Variants in PTPRZ1 observed in about 807,000 individuals in gnomAD.
The protein encoded by PTPRZ1 is receptor-type tyrosine-protein phosphatase zeta.
A neutral mutation model predicts 214.1 loss-of-function variants in PTPRZ1; 82 were observed. The ratio of observed to expected loss-of-function variants is 0.38; its 90% CI spans 0.32 to 0.46. The LOEUF (loss-of-function observed/expected upper bound fraction) is 0.46, where lower values mean the gene tolerates loss of function less well. Ranked by LOEUF, PTPRZ1 falls within the 20% of genes least tolerant of loss-of-function variation. The pLI is 1.00. For synonymous variants in PTPRZ1, 945 were observed against 987.9 expected, an observed-to-expected ratio of 0.96 and a Z score of 0.81; for missense variants, 2,603 against 2,748.7, an observed-to-expected ratio of 0.95 and a Z score of 1.19.
In PTPRZ1 at chr7:121,910,055, T is replaced by C. The variant is rs192327276; in HGVS notation, c.59-18101T>C. 6.4e-4 allele frequency among the ~76,000 whole-genome samples: 97 copies of C among 152,336 alleles called. No homozygotes were observed. In the East Asian group the frequency reaches 0.019, roughly 29 times the overall value. On this transcript the variant is annotated intron_variant, in intron 1 of 29. Transcript: ENST00000393386. Reference sequence around the variant, plus strand: ...AAGAATGGAAGAGGCTGTCTTCATCTTTTGAAGCTCATTTCCTGGTAATCT... The same window carrying C: ...AAGAATGGAAGAGGCTGTCTTCATCCTTTGAAGCTCATTTCCTGGTAATCT...
intron 1 of PTPRZ1, among the ~76,000 whole-genome samples, chr7:121,926,104 A>G (rs1412498357): frequency 6.6e-6 from 1 of 152,176 alleles, no homozygotes; most frequent in Admixed American, 6.5e-5. Context: ...GGAGTTCGAG[A>G]CCAGCCTGAC....
At chr7:121,892,110 T>A (rs1018515412) in intron 1 of PTPRZ1, among the ~76,000 whole-genome samples, 1 of 152,208 alleles carries the variant, frequency 6.6e-6, no homozygotes, top group African/African-American at 2.4e-5. Flanking sequence ...AGTTTGTTGC[T>A]TTATACCATA....
chr7:122,038,592 A>G (rs1338555976), intron 18 of PTPRZ1, among the ~76,000 whole-genome samples, 163 bp from the exon 19 acceptor site: 2 of 147,726 alleles, frequency 1.4e-5, no homozygotes, highest in Admixed American at 1.4e-4. Context: ...AACCAAGAGT[A>G]GCTATCTTAG....
intron 1 of PTPRZ1, among the ~76,000 whole-genome samples, chr7:121,885,391 G>A (rs1794367228): frequency 6.6e-6 from 1 of 152,146 alleles, no homozygotes; most frequent in Non-Finnish European, 1.5e-5. Flanking sequence ...AGATGGCAAT[G>A]CTGTCTGAAA....
At chr7:121,879,446 T>C (rs1052320133) in intron 1 of PTPRZ1, among the ~76,000 whole-genome samples, 3 of 152,202 alleles carry the variant, frequency 2.0e-5, no homozygotes, top group African/African-American at 7.2e-5. Context: ...GCTATCATAT[T>C]GGTTTAAGTC....
chr7:121,952,807 A>T (rs1259579476), intron 2 of PTPRZ1, among the ~76,000 whole-genome samples: 1 of 152,206 alleles, frequency 6.6e-6, no homozygotes, highest in South Asian at 2.1e-4. Context: ...CAATGAGTCT[A>T]TTTGCAATGT....
intron 2 of PTPRZ1, among the ~76,000 whole-genome samples, chr7:121,938,705 C>G (rs557053454): frequency 2.6e-5 from 4 of 151,162 alleles, no homozygotes; most frequent in Admixed American, 6.6e-5. Context: ...GTATTTACAA[C>G]GATCTCTTTT....
chr7:122,013,537 T>C lies in PTPRZ1; in HGVS notation c.4491T>C (p.Gly1497=), dbSNP rs772950386. 6.2e-7 allele frequency: 1 copy of C among 1,614,182 alleles called. No homozygotes were observed. Among genetic ancestry groups the C allele is most frequent in the Non-Finnish European group, 8.5e-7 (1 of 1,180,018 alleles). ...GTGTATCCTCAGACAGTCAAACTGG[T>C]ATGGACAGAAGTCCTGGTAAATCAC... ...VTSVSSDSQT[G]MDRSPGKSPS... The change falls in exon 12 of 30, where the codon GGT becomes GGC. Residue 1497 remains glycine, a synonymous_variant. Transcript: ENST00000393386.
At chr7:122,053,011 A>T in intron 25 of PTPRZ1, among the ~76,000 whole-genome samples, 1 of 152,290 alleles carries the variant, frequency 6.6e-6, no homozygotes, top group Middle Eastern at 3.4e-3. Flanking sequence ...ATTCACCTGC[A>T]TGGGTTCCAT....
At chr7:121,950,941 G>A (rs1027203202) in intron 2 of PTPRZ1, among the ~76,000 whole-genome samples, 1 of 152,180 alleles carries the variant, frequency 6.6e-6, no homozygotes, top group Admixed American at 6.5e-5. Flanking sequence ...ACCCATCAAA[G>A]TTATAGATAT....
chr7:122,013,252 G>C lies in PTPRZ1; in HGVS notation c.4206G>C (p.Leu1402=). 1.2e-6 allele frequency: 2 copies of C among 1,614,168 alleles called. No individual in the cohort carries two copies. The highest frequency in any genetic ancestry group is 4.5e-5 in the East Asian group (2 of 44,882). Residue 1402 remains leucine (L), a synonymous_variant, in exon 12 of 30, where the codon CTG becomes CTC. Transcript: ENST00000393386. ...LLFPSKATSE[L]SHSAKSDAGL... is the part of the protein sequence containing the mutation. ...TTCCTTCTAAGGCAACTTCTGAGCT[G>C]AGTCATAGTGCCAAATCTGATGCCG...
At chr7:121,926,431 G>C (rs1237969668) in intron 1 of PTPRZ1, among the ~76,000 whole-genome samples, 2 of 152,118 alleles carry the variant, frequency 1.3e-5, no homozygotes, top group Non-Finnish European at 2.9e-5. Context: ...CTTTCAGGCT[G>C]TCCTGGTCAC....
chr7:121,987,035 A>T (rs986289560), intron 8 of PTPRZ1, among the ~76,000 whole-genome samples: 2 of 152,204 alleles, frequency 1.3e-5, no homozygotes, highest in African/African-American at 4.8e-5. Flanking sequence ...TATTGCTTAT[A>T]TAGTGTTATC....
intron 1 of PTPRZ1, among the ~76,000 whole-genome samples, chr7:121,921,848 G>A (rs1426508158): frequency 6.6e-6 from 1 of 152,144 alleles, no homozygotes; most frequent in African/African-American, 2.4e-5. Context: ...AACAGTAAGT[G>A]CAATGTTTGA....
At chr7:121,942,459 CAG>C (rs1796261651) in intron 2 of PTPRZ1, among the ~76,000 whole-genome samples, 1 of 152,168 alleles carries the variant, frequency 6.6e-6, no homozygotes, top group Non-Finnish European at 1.5e-5. Flanking sequence ...TATGAGGTTT[CAG>C]AGTATATTTG....
chr7:121,999,926 AC>A (rs1798269209), intron 10 of PTPRZ1, among the ~76,000 whole-genome samples: 1 of 152,148 alleles, frequency 6.6e-6, no homozygotes, highest in Non-Finnish European at 1.5e-5. Context: ...TATTTAAAGG[AC>A]CGGGACACTA....
At chr7:122,038,056 G>A (rs1799601535) in intron 18 of PTPRZ1, among the ~76,000 whole-genome samples, 1 of 152,140 alleles carries the variant, frequency 6.6e-6, no homozygotes, top group Non-Finnish European at 1.5e-5. Flanking sequence ...CAGTAAGGAG[G>A]AAAGCCCTTT....
At chr7:121,969,108 C>A (rs929942983) in intron 3 of PTPRZ1, among the ~76,000 whole-genome samples, 1 of 152,018 alleles carries the variant, frequency 6.6e-6, no homozygotes, top group East Asian at 1.9e-4. Context: ...TGTGGTGGCA[C>A]ACTCCTGTAA....
chr7:121,959,730 C>T (rs1584683956), intron 2 of PTPRZ1, among the ~76,000 whole-genome samples: 1 of 152,122 alleles, frequency 6.6e-6, no homozygotes, highest in Admixed American at 6.5e-5. Context: ...TTTTATGCTA[C>T]TTATCATTGA....
Sources: gnomAD v4.1 joint callset for allele counts (sites outside exome capture counted in the v4.1 genomes callset) on GRCh38, gnomAD v4.1.1 for gene constraint, MANE v1.5 for transcripts, NCBI Gene and HGNC (gene_info 2026-07-23, HGNC 2026-07-21) for gene names.